C8orf34: variants seen among roughly 807,000 people sequenced by gnomAD.
C8orf34 encodes chromosome 8 open reading frame 34.
C8orf34 carries 65 observed loss-of-function variants against 68.3 expected under a neutral mutation model. The observed-to-expected ratio is 0.95, with a 90% CI of 0.78 to 1.17. The LOEUF is 1.17. C8orf34 is among the 50% of genes most tolerant of loss of function. C8orf34 has a pLI of 0.00. For missense variants in C8orf34, 664 were observed against 655.4 expected (o/e 1.01, Z -0.14); for synonymous variants, 244 against 241.2 (o/e 1.01, Z -0.11).
intron 8 of C8orf34, among the ~76,000 whole-genome samples, chr8:68,674,680 A>C (rs574223961): frequency 1.9e-4 from 29 of 152,102 alleles, no homozygotes; most frequent in Non-Finnish European, 3.7e-4. Flanking sequence ...CAAATCCAAG[A>C]GTTATTGAAC....
chr8:68,718,227 C>G (rs1035472267), intron 9 of C8orf34, among the ~76,000 whole-genome samples: 10 of 152,056 alleles, frequency 6.6e-5, no homozygotes, highest in African/African-American at 2.4e-4. Flanking sequence ...TCTTATGTTA[C>G]CCATCGTGCC....
intron 7 of C8orf34, among the ~76,000 whole-genome samples, chr8:68,548,673 A>C (rs1815967509): frequency 6.6e-6 from 1 of 151,850 alleles, no homozygotes; most frequent in African/African-American, 2.4e-5. Flanking sequence ...AGTCATTCCT[A>C]GATATTTTCC....
At chr8:68,379,869 C>A (rs140181918) in intron 1 of C8orf34, among the ~76,000 whole-genome samples, 3 of 151,934 alleles carry the variant, frequency 2.0e-5, no homozygotes, top group African/African-American at 2.4e-5. Context: ...GTTTGTTTTT[C>A]GAGACAGAGT....
intron 7 of C8orf34, among the ~76,000 whole-genome samples, chr8:68,549,981 C>T (rs1271030252): frequency 1.3e-5 from 2 of 151,736 alleles, no homozygotes; most frequent in Non-Finnish European, 3.0e-5. Context: ...AGTCTTTATA[C>T]ATGTTTATAT....
chr8:68,808,703 G>T (rs1001402940), intron 12 of C8orf34, among the ~76,000 whole-genome samples: 1 of 151,928 alleles, frequency 6.6e-6, no homozygotes, highest in African/African-American at 2.4e-5. Flanking sequence ...TTTTATGAGG[G>T]ACTTGAGCAT....
intron 7 of C8orf34, among the ~76,000 whole-genome samples, chr8:68,582,284 G>A (rs1160790424): frequency 1.3e-5 from 2 of 152,144 alleles, no homozygotes; most frequent in Non-Finnish European, 2.9e-5. Flanking sequence ...ACCCAGCAAG[G>A]CCCATCTGTT....
chr8:68,744,780 G>A (rs893825803), intron 10 of C8orf34, among the ~76,000 whole-genome samples: 17 of 152,184 alleles, frequency 1.1e-4, no homozygotes, highest in African/African-American at 4.1e-4. Context: ...AAAGTGACGG[G>A]GAGAATGGAA....
chr8:68,627,217 T>G (rs1461703280), intron 7 of C8orf34, among the ~76,000 whole-genome samples: 3 of 152,140 alleles, frequency 2.0e-5, no homozygotes, highest in African/African-American at 7.2e-5. Flanking sequence ...TCTGCCTGAC[T>G]TTCCTCACTC....
chr8:68,509,280 G>A (rs6986715), intron 5 of C8orf34, among the ~76,000 whole-genome samples: 28,468 of 152,066 alleles, frequency 0.19, 3,516 homozygotes, highest in African/African-American at 0.36. Context: ...GAGTTTGATT[G>A]CCTGAAGGCA....
intron 7 of C8orf34, among the ~76,000 whole-genome samples, chr8:68,610,861 G>GTTTC (rs1817996975): frequency 8.3e-6 from 1 of 120,476 alleles, no homozygotes; most frequent in African/African-American, 3.5e-5. Flanking sequence ...TGAATCTTTG[G>GTTTC]TTTTTTTTTT....
Position 68,612,715 on chromosome 8 carries a change from A to G in C8orf34, c.1106-27661A>G, listed in dbSNP as rs144685389. On this transcript the variant is annotated intron_variant, in intron 7 of 13. Transcript: ENST00000518698. ...CTGATTTTTAGAAAATAAAATATCA[A>G]TGAAAACATGGACATATAGATCAAT... 2.6e-3 allele frequency among the ~76,000 whole-genome samples: 396 copies of G among 152,286 alleles called. 2 individuals are homozygous for G. The highest frequency in any genetic ancestry group is 9.1e-3 in the African/African-American group (377 of 41,576).
chr8:68,445,161 G>C (rs148461904), intron 2 of C8orf34, among the ~76,000 whole-genome samples: 7 of 152,132 alleles, frequency 4.6e-5, no homozygotes, highest in African/African-American at 1.7e-4. Flanking sequence ...TGGGATTTTG[G>C]AGGTGGACAA....
At chr8:68,696,830 G>T (rs1476694280) in intron 8 of C8orf34, among the ~76,000 whole-genome samples, 1 of 151,866 alleles carries the variant, frequency 6.6e-6, no homozygotes, top group Non-Finnish European at 1.5e-5. Flanking sequence ...ATATAATTTA[G>T]TGCTATATAA....
chr8:68,507,826 C>T (rs972720859), intron 5 of C8orf34, among the ~76,000 whole-genome samples: 1 of 152,104 alleles, frequency 6.6e-6, no homozygotes, highest in Non-Finnish European at 1.5e-5. Flanking sequence ...TAGTTTGATT[C>T]CTCTCTTCTT....
intron 5 of C8orf34, among the ~76,000 whole-genome samples, chr8:68,508,587 A>C (rs936384673): frequency 6.6e-6 from 1 of 152,122 alleles, no homozygotes; most frequent in African/African-American, 2.4e-5. Context: ...TGGCTGGATG[A>C]GCTCAACAGG....
rs187535149 is a variant in C8orf34 at position 68,345,131 on chromosome 8, G to T, written c.327+13792G>T. Among the ~76,000 whole-genome samples, 324 of 151,934 alleles carry T rather than the reference G, an allele frequency of 2.1e-3. 1 individual carries two copies. The highest frequency in any genetic ancestry group is 7.5e-3 in the African/African-American group (312 of 41,454). ...TATTAAATTATTTTATCAAATCAAA[G>T]ATTCCTAGATTGGCTTAAAAATCTT... On this transcript the variant is annotated intron_variant, in intron 1 of 13. Coordinates refer to ENST00000518698, the MANE Select transcript of C8orf34 (RefSeq NM_052958.4).
intron 1 of C8orf34, among the ~76,000 whole-genome samples, chr8:68,345,570 T>C (rs551071211): frequency 5.2e-4 from 79 of 152,042 alleles, no homozygotes; most frequent in Non-Finnish European, 9.1e-4. Context: ...AGAATCAATA[T>C]TCATAGTAGG....
intron 8 of C8orf34, among the ~76,000 whole-genome samples, chr8:68,678,188 G>A (rs1037325953): frequency 3.3e-5 from 5 of 150,216 alleles, no homozygotes; most frequent in East Asian, 4.0e-4. Flanking sequence ...AAAAATAGAC[G>A]ATGGAATACT....
At chr8:68,774,329 G>GATATATATATATATATATA (rs1823441073) in intron 10 of C8orf34, among the ~76,000 whole-genome samples, 1 of 126,888 alleles carries the variant, frequency 7.9e-6, no homozygotes, top group Non-Finnish European at 1.6e-5. Context: ...ATGGGTGTGT[G>GATATATATATATATATATA]TGTATATATA....
Sources: allele counts gnomAD v4.1 joint callset (sites outside exome capture counted in the v4.1 genomes callset), GRCh38; gene constraint gnomAD v4.1.1; transcripts MANE v1.5; gene names NCBI Gene and HGNC (gene_info 2026-07-23, HGNC 2026-07-21).